The following PHLPP2 variants were observed in gnomAD, a reference collection of about 807,000 sequenced individuals.
PHLPP2 encodes PH domain leucine-rich repeat-containing protein phosphatase 2.
PHLPP2 carries 66 observed loss-of-function variants against 124.9 expected under a neutral mutation model. That is an observed-to-expected ratio of 0.53 (90% CI 0.43 to 0.65). The LOEUF is 0.65. PHLPP2 is among the 30% of genes least tolerant of loss of function. PHLPP2 has a pLI of 0.00. For synonymous variants in PHLPP2, 681 were observed against 624.7 expected (o/e 1.09, Z -1.34); for missense variants, 1,685 against 1,600.4 (o/e 1.05, Z -0.90).
At chr16:71,708,950 A>G (rs1319254915) in intron 2 of PHLPP2, among the ~76,000 whole-genome samples, 9 of 151,852 alleles carry the variant, frequency 5.9e-5, no homozygotes, top group Admixed American at 5.9e-4. Flanking sequence ...CCTGGACAAC[A>G]TAGCATGATC....
chr16:71,646,731 G>A lies in PHLPP2; in HGVS notation c.*2159C>T, dbSNP rs1277021879. ...AAAAAAATTTCCCATATAAAAATAA[G>A]GTGGCAAAACACTCTTGTTCCCATC... On this transcript the variant is annotated 3_prime_UTR_variant, in exon 19 of 19. Transcript: ENST00000568954. The A allele has an allele frequency of 6.6e-6, 1 of 151,714 alleles. No homozygotes were observed. The highest frequency in any genetic ancestry group is 1.9e-4 in the East Asian group (1 of 5,190). 9.4% of individuals were successfully genotyped at this position (151,714 alleles called of 1,614,324 possible). A position where few individuals can be genotyped will look rare whatever the true frequency, so the allele number is the denominator to read the frequency against.
intron 1 of PHLPP2, among the ~76,000 whole-genome samples, chr16:71,718,975 T>C (rs2045380873): frequency 6.6e-6 from 1 of 152,196 alleles, no homozygotes; most frequent in Non-Finnish European, 1.5e-5. Flanking sequence ...GCCTAGTGCT[T>C]CCTTCTTCTC....
intron 2 of PHLPP2, among the ~76,000 whole-genome samples, chr16:71,712,025 G>T (rs1597018056): frequency 6.6e-6 from 1 of 152,374 alleles, no homozygotes; most frequent in South Asian, 2.1e-4. Flanking sequence ...GGCAGTACCT[G>T]CCTGTCCTTG....
Position 71,655,220 on chromosome 16 carries a change from T to G in PHLPP2, c.2585+20A>C. On this transcript the variant is annotated intron_variant, in intron 17 of 18. Transcript: ENST00000568954. ...CCAAAAGTAGAACTGAGTTAGGGAT[T>G]TTTCAACCCACCTGCTTACCTGTGA... 1 of 1,574,292 alleles carries G rather than the reference T, an allele frequency of 6.4e-7. No individual in the cohort carries two copies.
Position 71,655,440 on chromosome 16 carries a change from A to G in PHLPP2, c.2391-6T>C. ...CAAGTGCTGAGACACACAGCCTATA[A>G]TAGAAACATGAAAACAGAAAACAGA... On this transcript the variant is annotated splice_polypyrimidine_tract_variant and splice_region_variant and intron_variant, in intron 16 of 18. Coordinates refer to ENST00000568954, the MANE Select transcript of PHLPP2 (RefSeq NM_015020.3). The G allele has an allele frequency of 6.2e-7, 1 of 1,600,720 alleles. No individual in the cohort carries two copies. Among genetic ancestry groups the G allele is most frequent in the Non-Finnish European group, 8.5e-7 (1 of 1,170,920 alleles).
intron 7 of PHLPP2, 40 bp downstream of exon 7, chr16:71,679,349 T>C (rs779351295): frequency 1.3e-6 from 2 of 1,585,196 alleles, no homozygotes; most frequent in Non-Finnish European, 1.7e-6. Context: ...AAGTTCCTTA[T>C]TCTGCAAGGG....
chr16:71,653,888 C>CA (rs2044717985), intron 17 of PHLPP2, among the ~76,000 whole-genome samples: 1 of 152,114 alleles, frequency 6.6e-6, no homozygotes, highest in South Asian at 2.1e-4. Context: ...GGTGAAACCC[C>CA]ATCCCTACTA....
rs202103364 is a variant in PHLPP2 at position 71,714,818 on chromosome 16, G to C, written c.-6-17C>G. On this transcript the variant is annotated splice_polypyrimidine_tract_variant and intron_variant, in intron 1 of 18. Transcript: ENST00000568954. ...CATATTTCTCTAAAAAATATCAAGA[G>C]AAAGAAATCGTTAGCTAGAACATCT... 9.4e-5 allele frequency: 150 copies of C among 1,599,914 alleles called. No individual in the cohort carries two copies. The highest frequency in any genetic ancestry group is 5.3e-4 in the Middle Eastern group (3 of 5,648).
Position 71,714,912 on chromosome 16 carries a change from G to C in PHLPP2, c.-6-111C>G. ...TTATATTCCCCAACATTCTGCTCAA[G>C]TATCCCCTCCTTTTGTGGAGCACTT... On this transcript the variant is annotated intron_variant, in intron 1 of 18. Coordinates refer to ENST00000568954, the MANE Select transcript of PHLPP2 (RefSeq NM_015020.3). The C allele has an allele frequency of 3.7e-6, 5 of 1,345,154 alleles. No homozygotes were observed. In the South Asian group the frequency reaches 4.5e-5, roughly 12 times the overall value. 83.3% of individuals were successfully genotyped at this position (1,345,154 alleles called of 1,614,324 possible). A position where few individuals can be genotyped will look rare whatever the true frequency, so the allele number is the denominator to read the frequency against.
At chr16:71,723,981 C>G (rs1255609594) in intron 1 of PHLPP2, 7 of 255,542 alleles carry the variant, frequency 2.7e-5, no homozygotes, top group Non-Finnish European at 4.3e-5. Flanking sequence ...CTCCGCCCCT[C>G]CGGCGGCTCG....
At chr16:71,680,354 A>C (rs1357098233) in intron 6 of PHLPP2, among the ~76,000 whole-genome samples, 1 of 152,222 alleles carries the variant, frequency 6.6e-6, no homozygotes, top group Non-Finnish European at 1.5e-5. Flanking sequence ...AACCAGTTAG[A>C]GCTTGAAAAT....
intron 1 of PHLPP2, chr16:71,715,514 A>C (rs1227778523): frequency 6.7e-6 from 1 of 149,820 alleles, no homozygotes; most frequent in African/African-American, 2.5e-5. Context: ...TATCTCTACT[A>C]AAAAATACAA....
intron 2 of PHLPP2, 48 bp from the exon 3 acceptor site, chr16:71,702,779 A>G (rs1300428118): frequency 7.4e-7 from 1 of 1,346,248 alleles, no homozygotes; most frequent in Non-Finnish European, 1.0e-6. Flanking sequence ...AGTAATAAAA[A>G]TGGTTCATTT....
Position 71,648,024 on chromosome 16 carries a change from C to T in PHLPP2, c.*866G>A, listed in dbSNP as rs1051279069. Reference sequence around the variant, plus strand: ...CAGTCAATGAAAAGTGCTCTCATTACATTACATACATAAATTATCTGTTTG... The same window carrying T: ...CAGTCAATGAAAAGTGCTCTCATTATATTACATACATAAATTATCTGTTTG... On this transcript the variant is annotated 3_prime_UTR_variant, in exon 19 of 19. Coordinates refer to ENST00000568954, the MANE Select transcript of PHLPP2 (RefSeq NM_015020.3). 2.6e-5 allele frequency: 4 copies of T among 152,636 alleles called. No individual in the cohort carries two copies. Among genetic ancestry groups the T allele is most frequent in the African/African-American group, 9.7e-5 (4 of 41,446 alleles). 9.5% of individuals were successfully genotyped at this position (152,636 alleles called of 1,614,324 possible). A position where few individuals can be genotyped will look rare whatever the true frequency, so the allele number is the denominator to read the frequency against.
chr16:71,712,914 G>A (rs555247829), intron 2 of PHLPP2, among the ~76,000 whole-genome samples: 1 of 152,244 alleles, frequency 6.6e-6, no homozygotes, highest in East Asian at 1.9e-4. Context: ...GACAGGAAAT[G>A]CAGAAAGGAG....
chr16:71,717,804 A>G (rs1444647879), intron 1 of PHLPP2, among the ~76,000 whole-genome samples: 4 of 152,184 alleles, frequency 2.6e-5, no homozygotes, highest in African/African-American at 7.2e-5. Context: ...TTTCACACAA[A>G]CAAAAAAGTC....
chr16:71,714,416 T>C (rs145529088), intron 2 of PHLPP2, 96 bp downstream of exon 2: 35,736 of 1,417,602 alleles, frequency 0.025, 567 homozygotes, highest in Non-Finnish European at 0.029. Context: ...TCAACATCAG[T>C]TCCGGCAGAA....
At chr16:71,664,244 T>C (rs111914639) in intron 12 of PHLPP2, 145 bp from the exon 13 acceptor site, 7 of 636,164 alleles carry the variant, frequency 1.1e-5, no homozygotes, top group African/African-American at 7.3e-5. Context: ...GTAGTTTTTC[T>C]CTAATTGATC....
chr16:71,657,527 TGG>T (rs2044752470), intron 15 of PHLPP2, among the ~76,000 whole-genome samples: 2 of 151,932 alleles, frequency 1.3e-5, no homozygotes, highest in Non-Finnish European at 2.9e-5. Flanking sequence ...CCTGAGTAGC[TGG>T]GACTACAGGC....
Sources: gnomAD v4.1 joint callset for allele counts (sites outside exome capture counted in the v4.1 genomes callset) on GRCh38, gnomAD v4.1.1 for gene constraint, MANE v1.5 for transcripts, NCBI Gene and HGNC (gene_info 2026-07-23, HGNC 2026-07-21) for gene names.